Variants in RBFOX1 observed in about 807,000 individuals in gnomAD.
RBFOX1 encodes RNA binding fox-1 homolog 1.
RBFOX1 carries 8 observed loss-of-function variants against 57.7 expected under a neutral mutation model. That is an observed-to-expected ratio of 0.14 (90% CI 0.08 to 0.25). The LOEUF is 0.25. Among genes scored for constraint, RBFOX1 ranks in the 10% least tolerant of loss-of-function variants. The pLI is 1.00. For synonymous variants in RBFOX1, 326 were observed against 222.4 expected (o/e 1.47, Z -4.15); for missense variants, 611 against 548.5 (o/e 1.11, Z -1.14).
chr16:5,819,147 A>C (rs1308356154), intron 3 of RBFOX1, among the ~76,000 whole-genome samples: 1 of 152,182 alleles, frequency 6.6e-6, no homozygotes, highest in East Asian at 1.9e-4. Context: ...TGTATAGGTC[A>C]CGGTTCTGGA....
chr16:6,058,113 G>A (rs982558307), intron 1 of RBFOX1, among the ~76,000 whole-genome samples: 1 of 152,168 alleles, frequency 6.6e-6, no homozygotes, highest in Non-Finnish European at 1.5e-5. Context: ...TTTATTTGAA[G>A]TAGAGTTTTT....
At chr16:5,876,054 A>T (rs1437961799) in intron 4 of RBFOX1, among the ~76,000 whole-genome samples, 1 of 152,052 alleles carries the variant, frequency 6.6e-6, no homozygotes, top group Non-Finnish European at 1.5e-5. Flanking sequence ...CGTGTTAGCC[A>T]GGGTAGTCTT....
At chr16:7,509,242 C>G (rs1469562851) in intron 4 of RBFOX1, among the ~76,000 whole-genome samples, 1 of 152,156 alleles carries the variant, frequency 6.6e-6, no homozygotes, top group Admixed American at 6.6e-5. Flanking sequence ...TTGCGGTCAT[C>G]TTAGTATTTA....
intron 1 of RBFOX1, among the ~76,000 whole-genome samples, chr16:6,140,072 T>G (rs939121898): frequency 1.3e-5 from 2 of 152,224 alleles, no homozygotes; most frequent in African/African-American, 4.8e-5. Flanking sequence ...TCTGAATGTT[T>G]GGGAGGCATG....
intron 3 of RBFOX1, among the ~76,000 whole-genome samples, chr16:7,025,832 G>A (rs913448665): frequency 2.0e-5 from 3 of 152,182 alleles, no homozygotes; most frequent in Non-Finnish European, 4.4e-5. Flanking sequence ...ATATCTGACA[G>A]CAACCCCAGG....
chr16:7,034,359 G>C (rs1243370464), intron 3 of RBFOX1, among the ~76,000 whole-genome samples: 2 of 152,158 alleles, frequency 1.3e-5, no homozygotes, highest in East Asian at 1.9e-4. Context: ...GACCAGGTTG[G>C]TGCTGGAGGA....
chr16:5,508,206 C>G (rs1332042335), intron 2 of RBFOX1, among the ~76,000 whole-genome samples: 1 of 152,208 alleles, frequency 6.6e-6, no homozygotes, highest in East Asian at 1.9e-4. Flanking sequence ...CTGAGTCTCA[C>G]AGACTGCAAT....
chr16:7,253,077 C>G lies in RBFOX1; in HGVS notation c.27+200979C>G, dbSNP rs544428991. Among the ~76,000 whole-genome samples the G allele has an allele frequency of 7.2e-5, 11 of 152,284 alleles. No individual in the cohort carries two copies. The South Asian group carries it at 1.9e-3, about 26-fold the overall frequency. The stretch of plus-strand genomic sequence containing the variant: ...TTTTCATTTACGCTCTTATAATTAC[C>G]TTTAAACACAGCATCACTGGACACA... On this transcript the variant is annotated intron_variant, in intron 4 of 15. Coordinates refer to ENST00000550418, the MANE Select transcript of RBFOX1 (RefSeq NM_018723.4).
At chr16:6,676,732 A>G (rs545252109) in intron 3 of RBFOX1, among the ~76,000 whole-genome samples, 3 of 126,096 alleles carry the variant, frequency 2.4e-5, no homozygotes, top group Non-Finnish European at 4.7e-5. Context: ...CTGGAGTGCC[A>G]TGGTGCGATC....
At chr16:5,811,005 G>C (rs9938377) in intron 3 of RBFOX1, among the ~76,000 whole-genome samples, 103,937 of 151,992 alleles carry the variant, frequency 0.68, 36,060 homozygotes, top group African/African-American at 0.81. Context: ...CAATGGGTTT[G>C]TTTGTGTACC....
At chr16:5,580,593 TG>T (rs2046632453) in intron 2 of RBFOX1, among the ~76,000 whole-genome samples, 1 of 152,176 alleles carries the variant, frequency 6.6e-6, no homozygotes, top group Non-Finnish European at 1.5e-5. Context: ...TTGTTCCCTT[TG>T]TGAGGCTTCA....
chr16:5,917,328 A>T, intron 4 of RBFOX1, among the ~76,000 whole-genome samples: 1 of 152,168 alleles, frequency 6.6e-6, no homozygotes, highest in East Asian at 1.9e-4. Context: ...TTAAGCGCCC[A>T]CCACCGGACA....
chr16:6,875,712 A>G (rs1728840967), intron 3 of RBFOX1, among the ~76,000 whole-genome samples: 1 of 152,308 alleles, frequency 6.6e-6, no homozygotes. Context: ...GCCTAAATGA[A>G]TCAGCGCCAC....
At chr16:6,493,858 G>A (rs1598181283) in intron 2 of RBFOX1, among the ~76,000 whole-genome samples, 1 of 152,162 alleles carries the variant, frequency 6.6e-6, no homozygotes, top group South Asian at 2.1e-4. Context: ...GAAATAATCA[G>A]TATAAACTAT....
At chr16:6,028,243 A>C (rs2095234014) in intron 1 of RBFOX1, among the ~76,000 whole-genome samples, 1 of 152,132 alleles carries the variant, frequency 6.6e-6, no homozygotes, top group Non-Finnish European at 1.5e-5. Context: ...GTTGATTGCA[A>C]AGGCTGATAA....
At position 7,518,347 on chromosome 16, in the gene RBFOX1, C is replaced by G; in HGVS notation, c.228C>G (p.Ser76Arg). ...YPPAQTHSEQSPADTSAQTVS... is the reference protein window; with the variant it reads ...YPPAQTHSEQRPADTSAQTVS... Reference sequence around the variant, plus strand: ...CCGCCCAGACGCACTCCGAGCAGAGCCCGGCGGACACGAGCGCTCAGACCG... The same window carrying G: ...CCGCCCAGACGCACTCCGAGCAGAGGCCGGCGGACACGAGCGCTCAGACCG... Residue 76 changes from serine to arginine, a missense_variant, in exon 5 of 16, where the codon AGC becomes AGG. By Grantham distance (110) the Ser-to-Arg change is moderately radical (BLOSUM62 -1). Coordinates refer to ENST00000550418, the MANE Select transcript of RBFOX1 (RefSeq NM_018723.4). The G allele has an allele frequency of 6.2e-7, 1 of 1,613,570 alleles. No homozygotes were observed. Among genetic ancestry groups the G allele is most frequent in the East Asian group, 2.2e-5 (1 of 44,846 alleles).
chr16:6,720,102 A>AAAAT (rs946826823), intron 3 of RBFOX1, among the ~76,000 whole-genome samples: 149 of 152,212 alleles, frequency 9.8e-4, no homozygotes, highest in South Asian at 2.1e-3. Context: ...TGAAAAGAAT[A>AAAAT]AAATAAATAA....
intron 1 of RBFOX1, among the ~76,000 whole-genome samples, chr16:6,306,062 G>C (rs1360779624): frequency 6.6e-6 from 1 of 152,134 alleles, no homozygotes; most frequent in Non-Finnish European, 1.5e-5. Flanking sequence ...CGTTGGTTTT[G>C]CTCTAGGCAC....
intron 4 of RBFOX1, among the ~76,000 whole-genome samples, chr16:7,489,339 A>G (rs982611903): frequency 1.3e-5 from 2 of 152,222 alleles, no homozygotes; most frequent in Non-Finnish European, 2.9e-5. Flanking sequence ...CAAGTATTTC[A>G]TAATTGTTCT....
Sources: allele counts gnomAD v4.1 joint callset (sites outside exome capture counted in the v4.1 genomes callset), GRCh38; gene constraint gnomAD v4.1.1; transcripts MANE v1.5; gene names NCBI Gene and HGNC (gene_info 2026-07-23, HGNC 2026-07-21).